CHIC1: variants seen among roughly 807,000 people sequenced by gnomAD.
The protein encoded by CHIC1 is cysteine-rich hydrophobic domain-containing protein 1.
Under a neutral mutation model 18.5 loss-of-function variants are expected in CHIC1, and 7 were observed. The observed-to-expected ratio is 0.38, with a 90% CI of 0.22 to 0.71. The LOEUF (loss-of-function observed/expected upper bound fraction) is 0.71. Among genes scored for constraint, CHIC1 ranks in the 30% least tolerant of loss-of-function variants. CHIC1 has a pLI of 0.49. For synonymous variants in CHIC1, 77 were observed against 73.5 expected (o/e 1.05, Z -0.25); for missense variants, 159 against 176.9 (o/e 0.90, Z 0.57).
At chrX:73,648,647 G>A (rs144933558) in intron 3 of CHIC1, among the ~76,000 whole-genome samples, 29 of 111,236 alleles carry the variant, frequency 2.6e-4, no homozygotes, top group African/African-American at 9.2e-4. Context: ...CTGAAAAAGG[G>A]CATGCATACA....
At position 73,681,852 on chromosome X, in the gene CHIC1, C is replaced by G. The variant is rs1292691555; in HGVS notation, c.*847C>G. The G allele has an allele frequency of 8.9e-6, 1 of 112,097 alleles. No individual in the cohort carries two copies. Among genetic ancestry groups the G allele is most frequent in the Non-Finnish European group, 1.9e-5 (1 of 52,863 alleles). 9.2% of individuals were successfully genotyped at this position (112,097 alleles called of 1,213,427 possible). A position where few individuals can be genotyped will look rare whatever the true frequency, so the allele number is the denominator to read the frequency against. On this transcript the variant is annotated 3_prime_UTR_variant, in exon 6 of 6. Transcript: ENST00000373502. The stretch of plus-strand genomic sequence containing the variant: ...ACCTGAAACCATGACCTTTATTTTT[C>G]CATTTCGTTTAATAATTTCCATTTT...
chrX:73,572,615 G>A (rs1185579598), intron 1 of CHIC1, among the ~76,000 whole-genome samples: 1 of 110,810 alleles, frequency 9.0e-6, no homozygotes, highest in Non-Finnish European at 1.9e-5. Context: ...CAGCAGCCCC[G>A]CCAACATCTG....
intron 1 of CHIC1, among the ~76,000 whole-genome samples, chrX:73,571,194 G>A (rs1023256977): frequency 9.1e-6 from 1 of 110,152 alleles, no homozygotes; most frequent in Non-Finnish European, 1.9e-5. Flanking sequence ...TCTAGTAGGG[G>A]AATGACAGCT....
At chrX:73,661,024 T>G (rs1183804284) in intron 3 of CHIC1, among the ~76,000 whole-genome samples, 1 of 111,461 alleles carries the variant, frequency 9.0e-6, no homozygotes, top group Non-Finnish European at 1.9e-5. Context: ...TTGAGCATAT[T>G]TTTAAGGGTG....
chrX:73,632,212 G>T (rs1204859926), intron 3 of CHIC1, among the ~76,000 whole-genome samples: 1 of 111,830 alleles, frequency 8.9e-6, no homozygotes, highest in Non-Finnish European at 1.9e-5. Context: ...TTGATAAATT[G>T]ACCACTTTAT....
intron 3 of CHIC1, among the ~76,000 whole-genome samples, chrX:73,674,945 C>G (rs1340544670): frequency 4.5e-5 from 5 of 110,375 alleles, no homozygotes; most frequent in Non-Finnish European, 1.9e-5. Flanking sequence ...TCTTTGTTCT[C>G]CTTGGTTTCA....
intron 2 of CHIC1, among the ~76,000 whole-genome samples, chrX:73,580,314 A>G (rs903414370): frequency 9.0e-6 from 1 of 110,892 alleles, no homozygotes; most frequent in Admixed American, 9.6e-5. Flanking sequence ...CATTCTTTTC[A>G]AGTGATTGTT....
chrX:73,645,742 AT>A (rs2057886144), intron 3 of CHIC1, among the ~76,000 whole-genome samples: 1 of 111,174 alleles, frequency 9.0e-6, no homozygotes, highest in African/African-American at 3.3e-5. Context: ...TCCTCCACCT[AT>A]TTTTGGTAAT....
rs5939034 is a variant in CHIC1 at position 73,686,125 on chromosome X, A to G, written c.*5120A>G. ...GATTAATAATAAAATAAGAAATCCT[A>G]TTATGTGCAACTTATTAAATACTTG... On this transcript the variant is annotated 3_prime_UTR_variant, in exon 6 of 6. Transcript: ENST00000373502. The G allele has an allele frequency of 3.4e-4, 38 of 111,577 alleles. No homozygotes were observed. Among genetic ancestry groups the G allele is most frequent in the Non-Finnish European group, 6.6e-4 (35 of 52,949 alleles). 9.2% of individuals were successfully genotyped at this position (111,577 alleles called of 1,213,427 possible). A position where few individuals can be genotyped will look rare whatever the true frequency, so the allele number is the denominator to read the frequency against.
At chrX:73,665,719 G>A (rs895567991) in intron 3 of CHIC1, among the ~76,000 whole-genome samples, 11 of 111,071 alleles carry the variant, frequency 9.9e-5, no homozygotes, top group Admixed American at 2.9e-4. Context: ...CCAGCTGCCG[G>A]GTCTGACCAG....
At chrX:73,577,569 G>A in intron 2 of CHIC1, 108 bp downstream of exon 2, 1 of 589,917 alleles carries the variant, frequency 1.7e-6, no homozygotes, top group Admixed American at 2.5e-5. Context: ...CAAGTAATAG[G>A]AGGCCTCAGT....
At chrX:73,581,970 C>G (rs991323072) in intron 2 of CHIC1, among the ~76,000 whole-genome samples, 3 of 110,437 alleles carry the variant, frequency 2.7e-5, no homozygotes, top group African/African-American at 9.8e-5. Flanking sequence ...TCTCTTCCCT[C>G]TTTTATTCTC....
intron 3 of CHIC1, among the ~76,000 whole-genome samples, chrX:73,593,639 A>G (rs1199118434): frequency 6.3e-5 from 7 of 111,083 alleles, no homozygotes; most frequent in African/African-American, 2.3e-4. Flanking sequence ...TTTTTGCCTG[A>G]CTGGCTTGAT....
rs140119879 is a variant in CHIC1 at position 73,658,861 on chromosome X, T to A, written c.508-20465T>A. ...CGTTCTCATTTGTTTAAAGAACTTCTTGATTTCTTTCTGCCAAGTCTGACT... is the reference window on the plus strand; with the variant it reads ...CGTTCTCATTTGTTTAAAGAACTTCATGATTTCTTTCTGCCAAGTCTGACT... On this transcript the variant is annotated intron_variant, in intron 3 of 5. Transcript: ENST00000373502. Among the ~76,000 whole-genome samples the A allele has an allele frequency of 2.7e-3, 302 of 112,097 alleles. 2 individuals carry two copies. Among genetic ancestry groups the A allele is most frequent in the African/African-American group, 8.9e-3 (276 of 30,925 alleles).
At chrX:73,577,541 A>T in intron 2 of CHIC1, 80 bp downstream of exon 2, 1 of 755,622 alleles carries the variant, frequency 1.3e-6, no homozygotes, top group African/African-American at 2.0e-5. Context: ...AAATGCTTTG[A>T]ATCATTGTTA....
chrX:73,585,605 C>T (rs752735998), intron 3 of CHIC1, among the ~76,000 whole-genome samples: 79 of 111,407 alleles, frequency 7.1e-4, no homozygotes, highest in Non-Finnish European at 1.4e-3. Flanking sequence ...ATCAATAACT[C>T]CTACCCATCC....
At chrX:73,593,658 C>A (rs1256245185) in intron 3 of CHIC1, among the ~76,000 whole-genome samples, 1 of 111,496 alleles carries the variant, frequency 9.0e-6, no homozygotes, top group Non-Finnish European at 1.9e-5. Context: ...ATTGAAAAGG[C>A]CAGTCTTCAA....
intron 3 of CHIC1, among the ~76,000 whole-genome samples, chrX:73,658,395 G>A (rs182580390): frequency 1.1e-4 from 12 of 105,155 alleles, no homozygotes; most frequent in East Asian, 3.0e-4. Flanking sequence ...GAAAATATCC[G>A]TTTCTTCTTT....
chrX:73,640,312 GT>G (rs2057849489), intron 3 of CHIC1, among the ~76,000 whole-genome samples: 1 of 112,025 alleles, frequency 8.9e-6, no homozygotes, highest in Non-Finnish European at 1.9e-5. Context: ...TTTTAGTTCT[GT>G]TTATGTGATG....
Sources: allele counts gnomAD v4.1 joint callset (sites outside exome capture counted in the v4.1 genomes callset), GRCh38; gene constraint gnomAD v4.1.1; transcripts MANE v1.5; gene names NCBI Gene and HGNC (gene_info 2026-07-23, HGNC 2026-07-21).